The following NCOA2 variants were observed in gnomAD, a reference collection of about 807,000 sequenced individuals.
NCOA2 encodes class E basic helix-loop-helix protein 75.
Under a neutral mutation model 145.1 loss-of-function variants are expected in NCOA2, and 21 were observed. The ratio of observed to expected loss-of-function variants is 0.14; its 90% CI spans 0.10 to 0.21. The LOEUF (loss-of-function observed/expected upper bound fraction) is 0.21. Ranked by LOEUF, NCOA2 falls within the 10% of genes least tolerant of loss-of-function variation. The pLI is 1.00. For synonymous variants in NCOA2, 619 were observed against 637.5 expected, an observed-to-expected ratio of 0.97 and a Z score of 0.44; for missense variants, 1,472 against 1,837.6, an observed-to-expected ratio of 0.80 and a Z score of 3.64.
chr8:70,332,382 T>C (rs1047926798), intron 1 of NCOA2, among the ~76,000 whole-genome samples: 1 of 152,166 alleles, frequency 6.6e-6, no homozygotes, highest in Non-Finnish European at 1.5e-5. Flanking sequence ...TTGAATATGT[T>C]CCACAATACT....
chr8:70,309,306 T>A (rs1323816739), intron 1 of NCOA2, among the ~76,000 whole-genome samples: 1 of 151,510 alleles, frequency 6.6e-6, no homozygotes, highest in Non-Finnish European at 1.5e-5. Context: ...ATTATTGTTT[T>A]AAACAATAGA....
At chr8:70,343,806 A>G (rs897505222) in intron 1 of NCOA2, among the ~76,000 whole-genome samples, 2 of 149,548 alleles carry the variant, frequency 1.3e-5, no homozygotes, top group African/African-American at 5.0e-5. Flanking sequence ...GCAAGACCCC[A>G]TCTCAAAAAA....
Position 70,113,088 on chromosome 8 carries a change from T to C in NCOA2, c.*544A>G, listed in dbSNP as rs1163964607. The C allele has an allele frequency of 1.0e-5, 2 of 200,448 alleles. No individual in the cohort carries two copies. Among genetic ancestry groups the C allele is most frequent in the Non-Finnish European group, 2.1e-5 (2 of 97,220 alleles). The allele number at this position is 200,448 out of a possible 1,614,324, so 12.4% of individuals were successfully genotyped here. On this transcript the variant is annotated 3_prime_UTR_variant, in exon 23 of 23. Coordinates refer to ENST00000452400, the MANE Select transcript of NCOA2 (RefSeq NM_006540.4). ...TTCACGCACTGGGTGTGTCTGTAAATACAGCGCTGTCCACGGTGTCTGTCC... is the reference window on the plus strand; with the variant it reads ...TTCACGCACTGGGTGTGTCTGTAAACACAGCGCTGTCCACGGTGTCTGTCC...
chr8:70,344,353 C>A (rs1003038581), intron 1 of NCOA2, among the ~76,000 whole-genome samples: 5 of 152,140 alleles, frequency 3.3e-5, no homozygotes, highest in African/African-American at 9.7e-5. Flanking sequence ...ACAGAGTGTG[C>A]GGGGCGGCAG....
chr8:70,228,222 G>GT (rs1415330024), intron 2 of NCOA2, among the ~76,000 whole-genome samples: 1 of 152,122 alleles, frequency 6.6e-6, no homozygotes, highest in Non-Finnish European at 1.5e-5. Flanking sequence ...CAGCCATTCT[G>GT]TAAGATCACG....
rs1235753667 is a variant in NCOA2 at position 70,156,904 on chromosome 8, T to C, written c.1461A>G (p.Ser487=). Residue 487 remains serine (S), a synonymous_variant, in exon 11 of 23, where the codon TCA becomes TCG. Coordinates refer to ENST00000452400, the MANE Select transcript of NCOA2 (RefSeq NM_006540.4). The part of the protein sequence containing the change: ...MNPGQPTSML[S]PRHRMSPGVA... ...CTCCAGGGCTCATGCGATGCCTTGGTGAAAGCATGGAGGTGGGCTGTCCTG... is the reference window on the plus strand; with the variant it reads ...CTCCAGGGCTCATGCGATGCCTTGGCGAAAGCATGGAGGTGGGCTGTCCTG... 6.2e-7 allele frequency: 1 copy of C among 1,613,962 alleles called. No homozygotes were observed. The highest frequency in any genetic ancestry group is 1.7e-5 in the Admixed American group (1 of 60,018).
intron 1 of NCOA2, among the ~76,000 whole-genome samples, chr8:70,342,564 A>T (rs777164440): frequency 6.6e-6 from 1 of 152,092 alleles, no homozygotes; most frequent in Non-Finnish European, 1.5e-5. Flanking sequence ...ATCTACAAAC[A>T]CATTTTTCAT....
chr8:70,130,995 C>T (rs1238383349), intron 16 of NCOA2, among the ~76,000 whole-genome samples: 1 of 152,190 alleles, frequency 6.6e-6, no homozygotes, highest in Non-Finnish European at 1.5e-5. Context: ...AAAGCAGGGA[C>T]TTCCTTTTTT....
At chr8:70,293,710 T>C (rs1250254822) in intron 2 of NCOA2, among the ~76,000 whole-genome samples, 2 of 152,214 alleles carry the variant, frequency 1.3e-5, no homozygotes, top group African/African-American at 4.8e-5. Context: ...CAAAGCTATA[T>C]TGCCAAATAG....
intron 22 of NCOA2, among the ~76,000 whole-genome samples, chr8:70,117,483 G>C (rs1474141070): frequency 1.3e-5 from 2 of 152,226 alleles, no homozygotes; most frequent in African/African-American, 4.8e-5. Context: ...TTCCAAAAAT[G>C]TAGCTGAATA....
rs7003137 is a variant in NCOA2, at chr8:70,272,853, T to C, written c.-20+23891A>G. On this transcript the variant is annotated intron_variant, in intron 2 of 22. Transcript: ENST00000452400. ...AATATGTAGAGATTTATTAAACACT[T>C]ATAAAGTAATAATTTAATATTTACA... Among the ~76,000 whole-genome samples the C allele has an allele frequency of 3.9e-3, 596 of 151,348 alleles. 4 individuals are homozygous for C. The highest frequency in any genetic ancestry group is 0.014 in the African/African-American group (575 of 41,370).
intron 4 of NCOA2, among the ~76,000 whole-genome samples, chr8:70,205,985 A>C (rs1008582633): frequency 3.3e-5 from 5 of 152,116 alleles, no homozygotes; most frequent in Non-Finnish European, 7.4e-5. Context: ...TAGCATACTG[A>C]TTCACCTCCC....
intron 4 of NCOA2, among the ~76,000 whole-genome samples, chr8:70,189,369 A>G (rs1816426532): frequency 6.6e-6 from 1 of 152,228 alleles, no homozygotes; most frequent in African/African-American, 2.4e-5. Flanking sequence ...ACTGTATCAT[A>G]TAAATCGTCT....
At chr8:70,209,957 T>G (rs1004190528) in intron 4 of NCOA2, among the ~76,000 whole-genome samples, 6 of 152,226 alleles carry the variant, frequency 3.9e-5, no homozygotes, top group Non-Finnish European at 7.3e-5. Flanking sequence ...AAAATGGTTA[T>G]TTGCTATCTG....
chr8:70,249,091 T>C (rs1051993579), intron 2 of NCOA2, among the ~76,000 whole-genome samples: 3 of 152,096 alleles, frequency 2.0e-5, no homozygotes, highest in African/African-American at 7.2e-5. Flanking sequence ...TTAGTTTATG[T>C]TACATGGCAC....
At position 70,358,425 on chromosome 8, in the gene NCOA2, A is replaced by T. The variant is rs145349711; in HGVS notation, c.-77+45275T>A. 3.3e-5 allele frequency among the ~76,000 whole-genome samples: 5 copies of T among 152,376 alleles called. No homozygotes were observed. The South Asian group carries it at 6.2e-4, about 19-fold the overall frequency. ...CAGCATAAAGACCCATATAAAAATC[A>T]GCGGAATTTAATGCAGAGTCCAGAA... On this transcript the variant is annotated intron_variant, in intron 1 of 22. Transcript: ENST00000452400.
intron 2 of NCOA2, among the ~76,000 whole-genome samples, chr8:70,266,133 G>C (rs1409065852): frequency 1.3e-5 from 2 of 152,204 alleles, no homozygotes; most frequent in Admixed American, 6.5e-5. Context: ...CTGGGTGACA[G>C]AGTGAGACTC....
chr8:70,158,090 A>G lies in NCOA2; in HGVS notation c.1125-850T>C, dbSNP rs186249075. ...AATAAAACAGGTTTCACAAATTGTC[A>G]AACATCAGCTTTTCGTTAGGTGGGT... On this transcript the variant is annotated intron_variant, in intron 10 of 22. Transcript: ENST00000452400. 6.2e-4 allele frequency among the ~76,000 whole-genome samples: 95 copies of G among 152,354 alleles called. 1 individual carries two copies. The highest frequency in any genetic ancestry group is 6.1e-3 in the Admixed American group (93 of 15,306).
In NCOA2 at chr8:70,156,085, T is replaced by C. The variant is rs1241190798; in HGVS notation, c.2280A>G (p.Pro760=). 1.1e-5 allele frequency: 17 copies of C among 1,614,016 alleles called. No homozygotes were observed. The highest frequency in any genetic ancestry group is 1.4e-5 in the Non-Finnish European group (16 of 1,179,894). ...GTCTCTCAAGTTTGGGGGTTATTTC[T>C]GGTAAACCAATATCTTTAGTATCAT... ...DKDDTKDIGL[P]EITPKLERLD... The change falls in exon 11 of 23, where the codon CCA becomes CCG. Residue 760 remains proline, a synonymous_variant. Coordinates refer to ENST00000452400, the MANE Select transcript of NCOA2 (RefSeq NM_006540.4).
Sources: gnomAD v4.1 joint callset for allele counts (sites outside exome capture counted in the v4.1 genomes callset) on GRCh38, gnomAD v4.1.1 for gene constraint, MANE v1.5 for transcripts, NCBI Gene and HGNC (gene_info 2026-07-23, HGNC 2026-07-21) for gene names.